The following GMDS variants were observed in gnomAD, a reference collection of about 807,000 sequenced individuals.
GMDS encodes GDP-mannose 4,6 dehydratase.
Under a neutral mutation model 49.9 loss-of-function variants are expected in GMDS, and 20 were observed. The ratio of observed to expected loss-of-function variants is 0.40; its 90% CI spans 0.28 to 0.58. The LOEUF (loss-of-function observed/expected upper bound fraction) is 0.58. Ranked by LOEUF, GMDS falls within the 20% of genes least tolerant of loss-of-function variation. GMDS has a pLI of 0.42. For synonymous variants in GMDS, 177 were observed against 178.6 expected, an observed-to-expected ratio of 0.99 and a Z score of 0.07; for missense variants, 362 against 481.4, an observed-to-expected ratio of 0.75 and a Z score of 2.32.
intron 9 of GMDS, among the ~76,000 whole-genome samples, chr6:1,673,299 C>CT (rs1202519103): frequency 6.6e-6 from 1 of 151,846 alleles, no homozygotes; most frequent in African/African-American, 2.4e-5. Flanking sequence ...CATCCCACTA[C>CT]TTTTTTGGCA....
intron 7 of GMDS, among the ~76,000 whole-genome samples, chr6:1,896,285 T>G (rs1156438300): frequency 6.6e-6 from 1 of 152,188 alleles, no homozygotes; most frequent in African/African-American, 2.4e-5. Flanking sequence ...AAACGTTCCC[T>G]GGGGGCAAGA....
intron 4 of GMDS, among the ~76,000 whole-genome samples, chr6:2,024,664 TGAA>T (rs1027782250): frequency 6.6e-6 from 1 of 150,908 alleles, no homozygotes; most frequent in African/African-American, 2.4e-5. Flanking sequence ...GAAAAGGAAA[TGAA>T]GAAAATTCTA....
Position 1,742,547 on chromosome 6 carries a change from A to G in GMDS, c.811T>C (p.Phe271Leu), listed in dbSNP as rs1203868087. The G allele has an allele frequency of 1.9e-6, 3 of 1,611,912 alleles. No individual in the cohort carries two copies. In the East Asian group the frequency reaches 6.7e-5, roughly 36 times the overall value. Residue 271 changes from phenylalanine to leucine, a missense_variant, in exon 8 of 11, where the codon TTC becomes CTC. By Grantham distance (22) the Phe-to-Leu change is conservative. Coordinates refer to ENST00000380815, the MANE Select transcript of GMDS (RefSeq NM_001500.4). ...TGGACCTCCCCAGTAGCTATAACGA[A>G]GTCCTCCGGCTCATCATTCTGCAAC... is the stretch of plus-strand genomic sequence containing the variant. ...LMLQNDEPED[F>L]VIATGEVHSV...
At chr6:2,196,543 T>C (rs374081719) in intron 1 of GMDS, among the ~76,000 whole-genome samples, 271 of 152,342 alleles carry the variant, frequency 1.8e-3, no homozygotes, top group African/African-American at 6.1e-3. Flanking sequence ...ACAGTAAACA[T>C]AGAATCCAAA....
intron 4 of GMDS, among the ~76,000 whole-genome samples, chr6:2,032,858 AG>A (rs1769056419): frequency 6.6e-6 from 1 of 152,306 alleles, no homozygotes; most frequent in African/African-American, 2.4e-5. Context: ...GATACAATAC[AG>A]TTCCTCTTAC....
intron 7 of GMDS, among the ~76,000 whole-genome samples, chr6:1,800,656 G>T (rs1238936035): frequency 6.6e-6 from 1 of 150,978 alleles, no homozygotes; most frequent in Non-Finnish European, 1.5e-5. Context: ...CAGAGATGGG[G>T]TTTCACCATA....
At chr6:2,070,374 T>A (rs1187734337) in intron 4 of GMDS, among the ~76,000 whole-genome samples, 5 of 151,774 alleles carry the variant, frequency 3.3e-5, no homozygotes, top group Admixed American at 6.6e-5. Flanking sequence ...CATATGTAAC[T>A]AACCTGCACA....
At chr6:2,132,524 C>T (rs1333252927) in intron 1 of GMDS, among the ~76,000 whole-genome samples, 1 of 152,130 alleles carries the variant, frequency 6.6e-6, no homozygotes, top group Non-Finnish European at 1.5e-5. Context: ...AGAATAATAA[C>T]CAGGTAACCT....
intron 1 of GMDS, among the ~76,000 whole-genome samples, chr6:2,205,790 G>A (rs1779780814): frequency 6.6e-6 from 1 of 152,044 alleles, no homozygotes; most frequent in South Asian, 2.1e-4. Flanking sequence ...GGGGGAGGGG[G>A]GTGTTGTAGG....
At chr6:1,879,169 A>G (rs1302978454) in intron 7 of GMDS, among the ~76,000 whole-genome samples, 2 of 152,388 alleles carry the variant, frequency 1.3e-5, no homozygotes, top group African/African-American at 2.4e-5. Context: ...TGGAAAATAA[A>G]GTAATTATCT....
At chr6:2,063,184 G>GA (rs941509219) in intron 4 of GMDS, among the ~76,000 whole-genome samples, 1 of 152,050 alleles carries the variant, frequency 6.6e-6, no homozygotes, top group African/African-American at 2.4e-5. Flanking sequence ...TGAAAAGTAA[G>GA]AAAAAAAGAT....
At chr6:2,228,311 G>C (rs1780912420) in intron 1 of GMDS, among the ~76,000 whole-genome samples, 1 of 152,066 alleles carries the variant, frequency 6.6e-6, no homozygotes, top group Non-Finnish European at 1.5e-5. Context: ...AGCACTTCTG[G>C]GCCTTCACGT....
At chr6:1,624,287 AC>A in intron 10 of GMDS, 56 bp from the exon 11 acceptor site, 1 of 1,528,250 alleles carries the variant, frequency 6.5e-7, no homozygotes, top group South Asian at 1.1e-5. Context: ...TCCTGGTGAC[AC>A]CCCACCCCGG....
chr6:1,649,584 G>A (rs1046333974), intron 9 of GMDS, among the ~76,000 whole-genome samples: 3 of 152,142 alleles, frequency 2.0e-5, no homozygotes, highest in Non-Finnish European at 2.9e-5. Flanking sequence ...ATGAAGGCAC[G>A]TTATCCAAGG....
intron 9 of GMDS, among the ~76,000 whole-genome samples, chr6:1,697,397 A>T (rs6925915): frequency 9.2e-5 from 14 of 152,340 alleles, no homozygotes; most frequent in East Asian, 3.9e-4. Context: ...ATTTTCAGCA[A>T]GAATAATCCT....
At chr6:1,648,752 T>A (rs537382966) in intron 9 of GMDS, among the ~76,000 whole-genome samples, 4 of 152,242 alleles carry the variant, frequency 2.6e-5, no homozygotes, top group Non-Finnish European at 5.9e-5. Context: ...ATGCCACAGT[T>A]TTTTGTAAAA....
chr6:1,796,462 C>T (rs1769737733), intron 7 of GMDS, among the ~76,000 whole-genome samples: 1 of 152,144 alleles, frequency 6.6e-6, no homozygotes, highest in Non-Finnish European at 1.5e-5. Context: ...ATTAGGTATA[C>T]TGGAGAGGGG....
At chr6:1,715,034 A>G (rs1350703154) in intron 9 of GMDS, among the ~76,000 whole-genome samples, 2 of 152,266 alleles carry the variant, frequency 1.3e-5, no homozygotes, top group Non-Finnish European at 2.9e-5. Context: ...AGAAACGAAC[A>G]GAACCTATGA....
intron 7 of GMDS, among the ~76,000 whole-genome samples, chr6:1,770,859 A>G (rs927878073): frequency 3.3e-5 from 5 of 152,236 alleles, no homozygotes; most frequent in Non-Finnish European, 7.3e-5. Flanking sequence ...ATGATCCAAT[A>G]AGAAAGAAAA....
Sources: allele counts gnomAD v4.1 joint callset (sites outside exome capture counted in the v4.1 genomes callset), GRCh38; gene constraint gnomAD v4.1.1; transcripts MANE v1.5; gene names NCBI Gene and HGNC (gene_info 2026-07-23, HGNC 2026-07-21).